Variants in IL16 observed in about 807,000 individuals in gnomAD.
IL16 encodes the protein pro-interleukin-16.
In IL16, 67 loss-of-function variants were observed where a neutral mutation model predicts 110.1. That is an observed-to-expected ratio of 0.61 (90% CI 0.50 to 0.75). The LOEUF is 0.75. IL16 is among the 30% of genes least tolerant of loss of function. IL16 has a pLI of 0.00. For synonymous variants in IL16, 689 were observed against 662.9 expected (o/e 1.04, Z -0.61); for missense variants, 1,545 against 1,655.0 (o/e 0.93, Z 1.15).
At chr15:81,270,964 G>A (rs1382210875) in intron 5 of IL16, among the ~76,000 whole-genome samples, 2 of 152,154 alleles carry the variant, frequency 1.3e-5, no homozygotes, top group African/African-American at 4.8e-5. Context: ...ACAAGTAGCA[G>A]TGAAGCAGGG....
chr15:81,254,127 C>G (rs1303161729), intron 2 of IL16, among the ~76,000 whole-genome samples: 2 of 152,140 alleles, frequency 1.3e-5, no homozygotes, highest in Non-Finnish European at 2.9e-5. Context: ...ACTGGAGCAG[C>G]TATGGCATCT....
chr15:81,255,333 A>C (rs1343770344), intron 2 of IL16, among the ~76,000 whole-genome samples: 1 of 152,208 alleles, frequency 6.6e-6, no homozygotes, highest in East Asian at 1.9e-4. Flanking sequence ...CACCACGGCC[A>C]TGTTGAAGTG....
intron 2 of IL16, among the ~76,000 whole-genome samples, chr15:81,232,558 G>A (rs538544230): frequency 2.1e-4 from 32 of 152,074 alleles, no homozygotes; most frequent in African/African-American, 5.8e-4. Flanking sequence ...CACCCCCACC[G>A]CCAACATAAA....
chr15:81,252,311 G>A (rs975524341), intron 2 of IL16, among the ~76,000 whole-genome samples: 4 of 152,184 alleles, frequency 2.6e-5, no homozygotes, highest in Non-Finnish European at 5.9e-5. Context: ...ACTTGAATTC[G>A]TGAAAGACAG....
In IL16 at chr15:81,227,061, A is replaced by G. The variant is rs565626280; in HGVS notation, c.312+1350A>G. ...TGCCCCGAAATAACTCACTTAAGAT[A>G]GAGTGAAAAATACACTACAAGAGGG... On this transcript the variant is annotated intron_variant, in intron 2 of 18. Transcript: ENST00000683961. Among the ~76,000 whole-genome samples, 10 of 152,250 alleles carry G rather than the reference A, an allele frequency of 6.6e-5. No homozygotes were observed. In the South Asian group the frequency reaches 2.1e-3, roughly 32 times the overall value.
At chr15:81,182,986 G>A in intron 1 of IL16, 1 of 834,766 alleles carries the variant, frequency 1.2e-6, no homozygotes, top group South Asian at 1.4e-5. Flanking sequence ...CAGGGGAATG[G>A]AAGCATGGTT....
rs1441990148 is a variant in IL16 at position 81,309,232 on chromosome 15, C to T, written c.*434C>T. 1 of 159,688 alleles carries T rather than the reference C, an allele frequency of 6.3e-6. No homozygotes were observed. Among genetic ancestry groups the T allele is most frequent in the East Asian group, 1.9e-4 (1 of 5,346 alleles). 9.9% of individuals were successfully genotyped at this position (159,688 alleles called of 1,614,324 possible). A position where few individuals can be genotyped will look rare whatever the true frequency, so the allele number is the denominator to read the frequency against. ...GAATGGGCAGCTCATCTCTGTCCCA[C>T]TTGGCATCAGCTGGCGTCATGCAAA... On this transcript the variant is annotated 3_prime_UTR_variant, in exon 19 of 19. Transcript: ENST00000683961.
chr15:81,229,828 T>A (rs1478819655), intron 2 of IL16, among the ~76,000 whole-genome samples: 2 of 152,172 alleles, frequency 1.3e-5, no homozygotes, highest in Non-Finnish European at 2.9e-5. Flanking sequence ...TTGGCCCAGA[T>A]GAACTCTGCA....
chr15:81,222,839 T>C (rs1232646210), intron 1 of IL16, among the ~76,000 whole-genome samples: 1 of 151,742 alleles, frequency 6.6e-6, no homozygotes, highest in East Asian at 1.9e-4. Context: ...GTGATCAAAA[T>C]GGAAAGAAGT....
At chr15:81,232,055 T>TTTTTTTTTTTTTTC (rs1443374742) in intron 2 of IL16, among the ~76,000 whole-genome samples, 2 of 141,530 alleles carry the variant, frequency 1.4e-5, no homozygotes, top group Non-Finnish European at 1.5e-5. Flanking sequence ...TTTTTTTTTT[T>TTTTTTTTTTTTTTC]TTTTTTTTTT....
chr15:81,197,731 G>GT (rs1484658159), intron 1 of IL16, among the ~76,000 whole-genome samples: 1 of 150,772 alleles, frequency 6.6e-6, no homozygotes, highest in Non-Finnish European at 1.5e-5. Flanking sequence ...TTGTTTGTTT[G>GT]TTTTTTTCTT....
chr15:81,313,167 C>G lies in IL16; in HGVS notation c.*4369C>G, dbSNP rs930808075. ...CTTGTTCCAAAGAGTGAACACAGGC[C>G]TCTGCGTGCTCCCAGGCTCCTTGGT... On this transcript the variant is annotated 3_prime_UTR_variant, in exon 19 of 19. Transcript: ENST00000683961. 1.6e-4 allele frequency: 227 copies of G among 1,410,988 alleles called. No homozygotes were observed. The highest frequency in any genetic ancestry group is 1.9e-4 in the Non-Finnish European group (206 of 1,064,744). 87.4% of individuals were successfully genotyped at this position (1,410,988 alleles called of 1,614,324 possible).
intron 6 of IL16, among the ~76,000 whole-genome samples, chr15:81,274,543 A>T (rs753532884): frequency 2.0e-5 from 3 of 152,228 alleles, no homozygotes; most frequent in Admixed American, 6.5e-5. Context: ...CAATGGAACC[A>T]TGATTAGGTG....
intron 2 of IL16, among the ~76,000 whole-genome samples, chr15:81,236,499 GCTGA>G (rs1486451441): frequency 6.6e-6 from 1 of 152,228 alleles, no homozygotes; most frequent in Non-Finnish European, 1.5e-5. Flanking sequence ...ATCTTCACTT[GCTGA>G]CTGTCTCCCC....
intron 2 of IL16, among the ~76,000 whole-genome samples, chr15:81,234,810 T>C (rs958979721): frequency 6.6e-6 from 1 of 152,258 alleles, no homozygotes; most frequent in Non-Finnish European, 1.5e-5. Context: ...TAAAAAGTTA[T>C]AAGTCAAGGT....
rs1282661429 is a variant in IL16 at position 81,259,952 on chromosome 15, T to C, written c.421+72T>C. On this transcript the variant is annotated intron_variant, in intron 3 of 18. Coordinates refer to ENST00000683961, the MANE Select transcript of IL16 (RefSeq NM_172217.5). ...CTGGATAGCAGGACTATTGGGAGGA[T>C]AGCGGCTCTCTTCTGGTCCAGTTGG... 1.6e-5 allele frequency: 15 copies of C among 962,138 alleles called. No individual in the cohort carries two copies. The East Asian group carries it at 3.6e-4, about 23-fold the overall frequency. The allele number at this position is 962,138 out of a possible 1,614,324, so 59.6% of individuals were successfully genotyped here.
In IL16 at chr15:81,303,597, G is replaced by A; in HGVS notation, c.3367G>A (p.Gly1123Ser). Residue 1123 changes from glycine (G) to serine (S), a missense_variant, in exon 16 of 19, where the codon GGT (glycine) becomes AGT (serine). Physicochemically the swap from Gly to Ser is moderately conservative, Grantham distance 56. Around this residue, in one of 3 missense-constraint regions of IL16, gnomAD observed 356 missense variants for 399.3 expected, o/e 0.89. Coordinates refer to ENST00000683961, the MANE Select transcript of IL16 (RefSeq NM_172217.5). The surrounding 1 kb of genome is among the most constrained non-coding windows in gnomAD (Gnocchi z 4.1). Reference protein sequence around the residue: ...VTILHKEEGAGLGFSLAGGAD... With the variant: ...VTILHKEEGASLGFSLAGGAD... ...CATCTTACACAAGGAGGAAGGTGCT[G>A]GTCTTGGGTTCAGCTTGGCAGGAGG... 1 of 1,614,114 alleles carries A rather than the reference G, an allele frequency of 6.2e-7. No homozygotes were observed. The highest frequency in any genetic ancestry group is 8.5e-7 in the Non-Finnish European group (1 of 1,179,938).
chr15:81,312,962 C>T lies in IL16; in HGVS notation c.*4164C>T, dbSNP rs767481987. 13 of 201,886 alleles carry T rather than the reference C, an allele frequency of 6.4e-5. No individual in the cohort carries two copies. The highest frequency in any genetic ancestry group is 1.2e-4 in the Non-Finnish European group (12 of 99,560). The allele number at this position is 201,886 out of a possible 1,614,324, so 12.5% of individuals were successfully genotyped here. On this transcript the variant is annotated 3_prime_UTR_variant, in exon 19 of 19. Transcript: ENST00000683961. Reference sequence around the variant, plus strand: ...GCATCGCATGGTGTCCAGGCCGAGTCTCTGTCAGATGGTTAGAGGCCTGGG... The same window carrying T: ...GCATCGCATGGTGTCCAGGCCGAGTTTCTGTCAGATGGTTAGAGGCCTGGG...
chr15:81,260,872 A>G (rs1003179271), intron 3 of IL16, among the ~76,000 whole-genome samples: 2 of 149,744 alleles, frequency 1.3e-5, no homozygotes, highest in African/African-American at 5.1e-5. Flanking sequence ...TTTATCATCA[A>G]TTTTTACTTA....
Sources: gnomAD v4.1 joint callset for allele counts (sites outside exome capture counted in the v4.1 genomes callset) on GRCh38, gnomAD v4.1.1 for gene constraint, gnomAD v4.1.1 regional missense constraint, Gnocchi (gnomAD v3.1) non-coding constraint, MANE v1.5 for transcripts, NCBI Gene and HGNC (gene_info 2026-07-23, HGNC 2026-07-21) for gene names.